Variants in KAZN observed in about 807,000 individuals in gnomAD.
KAZN encodes the protein kazrin.
KAZN carries 40 observed loss-of-function variants against 87.4 expected under a neutral mutation model. That is an observed-to-expected ratio of 0.46 (90% CI 0.36 to 0.60). The LOEUF is 0.60. KAZN is among the 20% of genes least tolerant of loss of function. The pLI is 0.00. For synonymous variants in KAZN, 466 were observed against 458.3 expected (o/e 1.02, Z -0.22); for missense variants, 898 against 1,073.9 (o/e 0.84, Z 2.29).
chr1:14,319,010 T>TTTTATTTA (rs199695925), intron 2 of KAZN, among the ~76,000 whole-genome samples: 46 of 136,596 alleles, frequency 3.4e-4, no homozygotes, highest in East Asian at 8.5e-4. Context: ...GACCTTTTAT[T>TTTTATTTA]TTTATTTATT....
chr1:13,988,241 C>T (rs186760677), intron 1 of KAZN, among the ~76,000 whole-genome samples: 93 of 152,048 alleles, frequency 6.1e-4, no homozygotes, highest in African/African-American at 2.1e-3. Flanking sequence ...GTGAGAAAGA[C>T]CAGACTACCA....
intron 8 of KAZN, among the ~76,000 whole-genome samples, chr1:15,091,721 A>T (rs1640541967): frequency 6.6e-6 from 1 of 152,226 alleles, no homozygotes; most frequent in Non-Finnish European, 1.5e-5. Context: ...CACATATTCC[A>T]ACATATGAAT....
At chr1:14,354,591 C>T (rs557109144) in intron 2 of KAZN, among the ~76,000 whole-genome samples, 2 of 149,956 alleles carry the variant, frequency 1.3e-5, no homozygotes, top group Non-Finnish European at 3.0e-5. Context: ...AGGAAAATTC[C>T]AAATTAAAAC....
chr1:15,051,914 T>C (rs1459433520), intron 4 of KAZN, among the ~76,000 whole-genome samples: 1 of 152,202 alleles, frequency 6.6e-6, no homozygotes, highest in Admixed American at 6.5e-5. Flanking sequence ...TTGAAACTAG[T>C]TCTGTCTGAC....
At chr1:14,380,845 G>A (rs1451897913) in intron 2 of KAZN, among the ~76,000 whole-genome samples, 1 of 152,140 alleles carries the variant, frequency 6.6e-6, no homozygotes, top group African/African-American at 2.4e-5. Context: ...CAAACCTAGA[G>A]AAAGATACCA....
At chr1:14,152,164 T>C (rs2101801938) in intron 1 of KAZN, among the ~76,000 whole-genome samples, 1 of 152,370 alleles carries the variant, frequency 6.6e-6, no homozygotes, top group East Asian at 1.9e-4. Context: ...ATTTATCCTT[T>C]GTGTTACAAA....
At chr1:14,505,969 A>G (rs574783893) in intron 2 of KAZN, among the ~76,000 whole-genome samples, 1 of 152,236 alleles carries the variant, frequency 6.6e-6, no homozygotes, top group South Asian at 2.1e-4. Context: ...GCAAGACTCC[A>G]TCTCAAAAAA....
At chr1:14,801,091 G>A (rs1407301711) in intron 1 of KAZN, among the ~76,000 whole-genome samples, 1 of 151,958 alleles carries the variant, frequency 6.6e-6, no homozygotes, top group Admixed American at 6.6e-5. Context: ...AGAGTCACGG[G>A]GCGCAGAGGG....
intron 1 of KAZN, among the ~76,000 whole-genome samples, chr1:13,957,998 G>C (rs1448562282): frequency 6.6e-6 from 1 of 152,158 alleles, no homozygotes; most frequent in Non-Finnish European, 1.5e-5. Flanking sequence ...GACATTCAAG[G>C]ATGGGAATGT....
At chr1:14,282,141 A>T (rs1652887065) in intron 2 of KAZN, among the ~76,000 whole-genome samples, 1 of 152,176 alleles carries the variant, frequency 6.6e-6, no homozygotes, top group African/African-American at 2.4e-5. Context: ...TTACCTTCTT[A>T]TTGTATACTA....
At position 15,021,004 on chromosome 1, in the gene KAZN, C is replaced by A. The variant is rs975206500; in HGVS notation, c.419-13745C>A. Among the ~76,000 whole-genome samples the A allele has an allele frequency of 1.3e-5, 2 of 152,192 alleles. No homozygotes were observed. The highest frequency in any genetic ancestry group is 6.5e-5 in the Admixed American group (1 of 15,282). Reference sequence around the variant, plus strand: ...GCTGCCTGCATCTGCCTTCAACAACCCTGCTGTGTCTCTGTTACGCAGCAG... The same window carrying A: ...GCTGCCTGCATCTGCCTTCAACAACACTGCTGTGTCTCTGTTACGCAGCAG... On this transcript the variant is annotated intron_variant, in intron 2 of 14. Transcript: ENST00000376030. This position sits in a 1 kb window ranked among gnomAD's most constrained non-coding sequence, Gnocchi z 4.2.
chr1:15,040,161 A>G (rs1672744870), intron 3 of KAZN, among the ~76,000 whole-genome samples: 1 of 152,250 alleles, frequency 6.6e-6, no homozygotes, highest in South Asian at 2.1e-4. Flanking sequence ...CCAGTTTGGC[A>G]AAACTGAAGC....
intron 1 of KAZN, among the ~76,000 whole-genome samples, chr1:14,033,800 C>A (rs138403831): frequency 7.9e-5 from 12 of 152,300 alleles, no homozygotes; most frequent in African/African-American, 2.6e-4. Context: ...AAATGGGAAT[C>A]GAATCTTTTC....
intron 1 of KAZN, among the ~76,000 whole-genome samples, chr1:14,757,315 A>G (rs1644598336): frequency 6.6e-6 from 1 of 152,188 alleles, no homozygotes; most frequent in South Asian, 2.1e-4. Flanking sequence ...TCTCTTTAGT[A>G]TCTCATTTCT....
chr1:14,552,061 G>C (rs905384442), intron 2 of KAZN, among the ~76,000 whole-genome samples: 1 of 151,972 alleles, frequency 6.6e-6, no homozygotes, highest in African/African-American at 2.4e-5. Flanking sequence ...ATTTCTAGGA[G>C]TTGGTTCAAA....
Position 14,091,304 on chromosome 1 carries a change from C to G in KAZN, c.92-89131C>G, listed in dbSNP as rs78219372. On this transcript the variant is annotated intron_variant, in intron 1 of 16. Coordinates refer to the KAZN transcript ENST00000636203. ...CTCACTGCATCTTGGTCTGAAAACT[C>G]TCAGGCAGTGAGCTGAAGAAATAGC... Among the ~76,000 whole-genome samples the G allele has an allele frequency of 8.3e-4, 127 of 152,236 alleles. No homozygotes were observed. The East Asian group carries it at 0.015, about 18-fold the overall frequency.
At chr1:15,068,552 T>A (rs1243962905) in intron 8 of KAZN, among the ~76,000 whole-genome samples, 1 of 151,940 alleles carries the variant, frequency 6.6e-6, no homozygotes, top group Non-Finnish European at 1.5e-5. Context: ...TCCGTGGACC[T>A]CTGCGCGTCC....
intron 1 of KAZN, among the ~76,000 whole-genome samples, chr1:14,161,205 C>T (rs1458418174): frequency 2.0e-5 from 3 of 152,220 alleles, no homozygotes; most frequent in Non-Finnish European, 2.9e-5. Flanking sequence ...CTATCTATTG[C>T]TGTATAAGAA....
intron 2 of KAZN, among the ~76,000 whole-genome samples, chr1:14,218,627 C>T (rs1647020169): frequency 6.6e-6 from 1 of 152,082 alleles, no homozygotes; most frequent in Non-Finnish European, 1.5e-5. Context: ...TTTCGGTGAA[C>T]TGAAGCTCAA....
Sources: gnomAD v4.1 joint callset for allele counts (sites outside exome capture counted in the v4.1 genomes callset) on GRCh38, gnomAD v4.1.1 for gene constraint, Gnocchi (gnomAD v3.1) non-coding constraint, MANE v1.5 for transcripts, NCBI Gene and HGNC (gene_info 2026-07-23, HGNC 2026-07-21) for gene names.